EXOC4: variants seen among roughly 807,000 people sequenced by gnomAD.
EXOC4 encodes exocyst complex component 4.
In EXOC4, 71 loss-of-function variants were observed where a neutral mutation model predicts 107.2. That is an observed-to-expected ratio of 0.66 (90% CI 0.55 to 0.81). The LOEUF (loss-of-function observed/expected upper bound fraction) is 0.81, where lower values mean the gene tolerates loss of function less well. EXOC4 is among the 30% of genes least tolerant of loss of function. EXOC4 has a pLI of 0.00. For missense variants in EXOC4, 1,108 were observed against 1,189.6 expected (o/e 0.93, Z 1.01); for synonymous variants, 456 against 441.2 (o/e 1.03, Z -0.42).
intron 13 of EXOC4, among the ~76,000 whole-genome samples, chr7:133,930,040 A>G (rs1009611629): frequency 2.6e-5 from 4 of 152,226 alleles, no homozygotes; most frequent in Admixed American, 6.5e-5. Context: ...AAGGAGTTCA[A>G]TGCTATATAA....
At chr7:133,943,644 G>A (rs541784886) in intron 14 of EXOC4, among the ~76,000 whole-genome samples, 14 of 151,908 alleles carry the variant, frequency 9.2e-5, no homozygotes, top group Non-Finnish European at 1.6e-4. Flanking sequence ...TATTTCTCCC[G>A]GCACCATCAG....
intron 9 of EXOC4, among the ~76,000 whole-genome samples, chr7:133,581,365 G>C (rs1043404351): frequency 6.6e-6 from 1 of 152,148 alleles, no homozygotes; most frequent in African/African-American, 2.4e-5. Flanking sequence ...TGCTTGCCAC[G>C]GGTGTACAGA....
At chr7:133,531,446 G>T (rs894665117) in intron 9 of EXOC4, among the ~76,000 whole-genome samples, 1 of 152,140 alleles carries the variant, frequency 6.6e-6, no homozygotes, top group African/African-American at 2.4e-5. Context: ...ATCATTGAGT[G>T]AATTTATATC....
chr7:133,359,255 C>T (rs371435150), intron 6 of EXOC4, among the ~76,000 whole-genome samples: 112 of 152,208 alleles, frequency 7.4e-4, no homozygotes, highest in Middle Eastern at 3.4e-3. Context: ...GGAATTAATT[C>T]TCTTGAATTA....
intron 3 of EXOC4, among the ~76,000 whole-genome samples, chr7:133,290,636 A>G (rs1395228985): frequency 2.0e-5 from 3 of 152,166 alleles, no homozygotes; most frequent in Non-Finnish European, 4.4e-5. Flanking sequence ...TGTGTTAATT[A>G]TGTTCATATT....
intron 10 of EXOC4, among the ~76,000 whole-genome samples, chr7:133,803,146 G>C (rs1252049549): frequency 6.6e-6 from 1 of 152,132 alleles, no homozygotes; most frequent in African/African-American, 2.4e-5. Context: ...AAAATAAACT[G>C]TGTTAGAACT....
At chr7:133,868,389 G>T (rs576498839) in intron 11 of EXOC4, among the ~76,000 whole-genome samples, 119 of 152,280 alleles carry the variant, frequency 7.8e-4, no homozygotes, top group African/African-American at 2.7e-3. Flanking sequence ...CAGTATATGT[G>T]AATTCACTTA....
At chr7:133,549,082 TA>T (rs1266317232) in intron 9 of EXOC4, among the ~76,000 whole-genome samples, 1 of 152,172 alleles carries the variant, frequency 6.6e-6, no homozygotes, top group Non-Finnish European at 1.5e-5. Context: ...TGGCTCACCG[TA>T]ACCTCCACCT....
intron 5 of EXOC4, among the ~76,000 whole-genome samples, chr7:133,322,895 C>G (rs943358168): frequency 1.3e-5 from 2 of 152,148 alleles, no homozygotes; most frequent in South Asian, 2.1e-4. Context: ...TTTCCTTGAG[C>G]AGTGGTTTGT....
rs148752977 is a variant in EXOC4, at chr7:133,820,590, C to T, written c.1734+3046C>T. Among the ~76,000 whole-genome samples, 1,143 of 152,240 alleles carry T rather than the reference C, an allele frequency of 7.5e-3. 13 individuals are homozygous for T. Among genetic ancestry groups the T allele is most frequent in the African/African-American group, 0.026 (1,087 of 41,534 alleles). On this transcript the variant is annotated intron_variant, in intron 11 of 17. Coordinates refer to ENST00000253861, the MANE Select transcript of EXOC4 (RefSeq NM_021807.4). ...AGGAGCTTGGAGAAATATGTGTGTGCGTGAAAGATGCATGTGGGTTAAATA... is the reference window on the plus strand; with the variant it reads ...AGGAGCTTGGAGAAATATGTGTGTGTGTGAAAGATGCATGTGGGTTAAATA...
chr7:133,300,085 A>G (rs1183151729), intron 3 of EXOC4, among the ~76,000 whole-genome samples: 2 of 152,110 alleles, frequency 1.3e-5, no homozygotes, highest in Admixed American at 6.6e-5. Context: ...CTTTATAGGT[A>G]TTGGGTTTCC....
intron 11 of EXOC4, among the ~76,000 whole-genome samples, chr7:133,838,252 C>T (rs560783689): frequency 2.0e-5 from 3 of 152,166 alleles, no homozygotes; most frequent in East Asian, 1.9e-4. Flanking sequence ...CATCTCTCAG[C>T]GGTAATGGTT....
At chr7:133,499,039 C>G (rs1036486953) in intron 9 of EXOC4, among the ~76,000 whole-genome samples, 1 of 150,006 alleles carries the variant, frequency 6.7e-6, no homozygotes, top group Non-Finnish European at 1.5e-5. Context: ...AATCAGTATT[C>G]TAAAACATTT....
At chr7:133,885,064 C>G (rs1244697813) in intron 11 of EXOC4, among the ~76,000 whole-genome samples, 1 of 152,056 alleles carries the variant, frequency 6.6e-6, no homozygotes, top group Non-Finnish European at 1.5e-5. Flanking sequence ...GCCTATAATC[C>G]CAGCACTTTG....
At chr7:133,827,618 C>T (rs1386945527) in intron 11 of EXOC4, among the ~76,000 whole-genome samples, 3 of 152,172 alleles carry the variant, frequency 2.0e-5, no homozygotes, top group Non-Finnish European at 4.4e-5. Flanking sequence ...ATGATCTCAG[C>T]ATTTTTTATT....
intron 5 of EXOC4, among the ~76,000 whole-genome samples, chr7:133,345,492 C>T (rs182853640): frequency 2.6e-5 from 4 of 152,094 alleles, no homozygotes; most frequent in Non-Finnish European, 4.4e-5. Context: ...TCTTGCAGTC[C>T]TGTTATATTT....
the EXOC4 span, among the ~76,000 whole-genome samples, chr7:134,095,138 TTACA>T: frequency 6.6e-6 from 1 of 151,898 alleles, no homozygotes; most frequent in African/African-American, 2.4e-5. Flanking sequence ...CAAAAATCAA[TTACA>T]TAATTTCTAC....
At chr7:133,977,807 T>C (rs889887076) in intron 14 of EXOC4, among the ~76,000 whole-genome samples, 36 of 152,104 alleles carry the variant, frequency 2.4e-4, no homozygotes, top group Middle Eastern at 3.4e-3. Context: ...TCTAGCAGAA[T>C]TTTACTGTAA....
At chr7:133,806,712 C>T (rs1368889746) in intron 10 of EXOC4, among the ~76,000 whole-genome samples, 2 of 152,144 alleles carry the variant, frequency 1.3e-5, no homozygotes, top group Non-Finnish European at 2.9e-5. Context: ...GTGATGAAGT[C>T]TGGCATGGTC....
Sources: gnomAD v4.1 joint callset for allele counts (sites outside exome capture counted in the v4.1 genomes callset) on GRCh38, gnomAD v4.1.1 for gene constraint, MANE v1.5 for transcripts, NCBI Gene and HGNC (gene_info 2026-07-23, HGNC 2026-07-21) for gene names.